The following SGCZ variants were observed in gnomAD, a reference collection of about 807,000 sequenced individuals.
SGCZ encodes sarcoglycan zeta, also known as zeta-sarcoglycan.
A neutral mutation model predicts 41.3 loss-of-function variants in SGCZ; 40 were observed. That is an observed-to-expected ratio of 0.97 (90% CI 0.75 to 1.26). SGCZ has a LOEUF of 1.26. Among genes scored for constraint, SGCZ ranks in the 50% most tolerant of loss-of-function variants. SGCZ has a pLI of 0.00. For missense variants in SGCZ, 552 were observed against 369.8 expected (o/e 1.49, Z -4.04); for synonymous variants, 206 against 137.5 (o/e 1.50, Z -3.49).
chr8:14,561,906 A>G (rs1804217953), intron 1 of SGCZ, among the ~76,000 whole-genome samples: 1 of 152,098 alleles, frequency 6.6e-6, no homozygotes, highest in African/African-American at 2.4e-5. Flanking sequence ...ATTTTTGGAC[A>G]TTTTTCTCCC....
At chr8:15,005,318 TTTTC>T (rs373656238) in intron 1 of SGCZ, among the ~76,000 whole-genome samples, 3 of 32,652 alleles carry the variant, frequency 9.2e-5, no homozygotes, top group Non-Finnish European at 2.5e-4. Flanking sequence ...TCCCCCGTTT[TTTTC>T]TTTTTCTTTT....
intron 1 of SGCZ, among the ~76,000 whole-genome samples, chr8:15,079,566 T>G (rs1469266245): frequency 6.6e-6 from 1 of 152,364 alleles, no homozygotes; most frequent in African/African-American, 2.4e-5. Context: ...TCAACTGCAA[T>G]TATTGTCTGT....
intron 1 of SGCZ, among the ~76,000 whole-genome samples, chr8:14,577,893 C>T (rs1804763493): frequency 6.6e-6 from 1 of 152,090 alleles, no homozygotes; most frequent in Non-Finnish European, 1.5e-5. Context: ...ACTCAATAAA[C>T]ACTTATTTAA....
At chr8:15,167,489 AC>A (rs1399424767) in intron 1 of SGCZ, among the ~76,000 whole-genome samples, 2 of 152,094 alleles carry the variant, frequency 1.3e-5, no homozygotes, top group African/African-American at 2.4e-5. Context: ...GAGGATGCAA[AC>A]CCATGGTTGT....
At chr8:14,582,267 T>C (rs1189552056) in intron 1 of SGCZ, among the ~76,000 whole-genome samples, 1 of 152,124 alleles carries the variant, frequency 6.6e-6, no homozygotes, top group Admixed American at 6.6e-5. Context: ...CGCTAGGCTA[T>C]TAGTAGTTAC....
chr8:15,237,691 T>C lies in SGCZ; in HGVS notation c.-68A>G, dbSNP rs1802185661. On this transcript the variant is annotated 5_prime_UTR_variant, in exon 1 of 8. Coordinates refer to ENST00000382080, the MANE Select transcript of SGCZ (RefSeq NM_139167.4). The stretch of plus-strand genomic sequence containing the variant: ...ACCCAAAAACAATCTAGTCTTTTAG[T>C]TTCCAGCTTAAACTCAGCTTTATCC... 2.0e-6 allele frequency: 3 copies of C among 1,532,188 alleles called. No individual in the cohort carries two copies. The East Asian group carries it at 7.3e-5, about 37-fold the overall frequency. The allele number at this position is 1,532,188 out of a possible 1,614,324, so 94.9% of individuals were successfully genotyped here.
chr8:14,994,918 C>A (rs898670495), intron 1 of SGCZ, among the ~76,000 whole-genome samples: 2 of 152,316 alleles, frequency 1.3e-5, no homozygotes, highest in African/African-American at 4.8e-5. Flanking sequence ...TTCCTCAACA[C>A]CTTTCCTGCC....
chr8:14,295,885 T>C (rs560032989), intron 3 of SGCZ, among the ~76,000 whole-genome samples: 1 of 152,260 alleles, frequency 6.6e-6, no homozygotes, highest in African/African-American at 2.4e-5. Flanking sequence ...CTCACAATTC[T>C]GCATAAGTCC....
chr8:15,118,085 TG>T (rs1379414796), intron 1 of SGCZ, among the ~76,000 whole-genome samples: 1 of 152,244 alleles, frequency 6.6e-6, no homozygotes, highest in African/African-American at 2.4e-5. Context: ...TGTAGCACTT[TG>T]ATATTTAGTT....
At chr8:15,113,833 G>A (rs919108239) in intron 1 of SGCZ, among the ~76,000 whole-genome samples, 1 of 152,140 alleles carries the variant, frequency 6.6e-6, no homozygotes, top group Non-Finnish European at 1.5e-5. Context: ...TGTAATCACA[G>A]ATTTGTGAGC....
At chr8:14,418,382 T>C (rs891506919) in intron 2 of SGCZ, among the ~76,000 whole-genome samples, 2 of 151,874 alleles carry the variant, frequency 1.3e-5, no homozygotes, top group Admixed American at 6.6e-5. Flanking sequence ...AGAAAGGGGA[T>C]TCCTGAGAGA....
chr8:14,485,273 C>A (rs1036260818), intron 2 of SGCZ, among the ~76,000 whole-genome samples: 38 of 152,082 alleles, frequency 2.5e-4, no homozygotes, highest in African/African-American at 8.4e-4. Flanking sequence ...CCCTCCACCC[C>A]CTGCCCCCGC....
At chr8:15,057,609 C>A (rs1361569376) in intron 1 of SGCZ, among the ~76,000 whole-genome samples, 2 of 152,054 alleles carry the variant, frequency 1.3e-5, no homozygotes, top group African/African-American at 2.4e-5. Flanking sequence ...GGATAATAGA[C>A]GTAGGCACAG....
intron 1 of SGCZ, among the ~76,000 whole-genome samples, chr8:14,615,024 A>G (rs1301696566): frequency 6.6e-6 from 1 of 151,148 alleles, no homozygotes. Flanking sequence ...ATATATATAT[A>G]TGAAAGCTTG....
chr8:15,040,334 T>C (rs544252569), intron 1 of SGCZ, among the ~76,000 whole-genome samples: 2 of 152,258 alleles, frequency 1.3e-5, no homozygotes, highest in Admixed American at 6.5e-5. Flanking sequence ...GTGATTTCGT[T>C]GGCCGCGAGG....
intron 2 of SGCZ, among the ~76,000 whole-genome samples, chr8:14,363,669 A>C (rs1264930551): frequency 6.6e-6 from 1 of 152,126 alleles, no homozygotes; most frequent in Admixed American, 6.5e-5. Context: ...ATTCAGTTTT[A>C]TTCAGTTAAC....
intron 2 of SGCZ, among the ~76,000 whole-genome samples, chr8:14,515,731 A>C (rs1252017910): frequency 6.6e-6 from 1 of 152,110 alleles, no homozygotes; most frequent in Non-Finnish European, 1.5e-5. Context: ...TTGAAATTCA[A>C]GGTGAACACT....
At chr8:14,980,083 C>T (rs1386868585) in intron 1 of SGCZ, among the ~76,000 whole-genome samples, 1 of 152,140 alleles carries the variant, frequency 6.6e-6, no homozygotes, top group Non-Finnish European at 1.5e-5. Flanking sequence ...GATGGAGATC[C>T]TATCAGTGCA....
chr8:14,418,233 T>C (rs1799548855), intron 2 of SGCZ, among the ~76,000 whole-genome samples: 2 of 151,914 alleles, frequency 1.3e-5, no homozygotes, highest in Admixed American at 1.3e-4. Flanking sequence ...AAGTATTCTA[T>C]CATGACTTGG....
Sources: allele counts gnomAD v4.1 joint callset (sites outside exome capture counted in the v4.1 genomes callset), GRCh38; gene constraint gnomAD v4.1.1; transcripts MANE v1.5; gene names NCBI Gene and HGNC (gene_info 2026-07-23, HGNC 2026-07-21).